HS6ST3: variants seen among roughly 807,000 people sequenced by gnomAD.
HS6ST3 encodes the protein heparan sulfate 6-O-sulfotransferase 3.
In HS6ST3, 12 loss-of-function variants were observed where a neutral mutation model predicts 36.7. The ratio of observed to expected loss-of-function variants is 0.33; its 90% confidence interval spans 0.21 to 0.53. The LOEUF is 0.53. Among genes scored for constraint, HS6ST3 ranks in the 20% least tolerant of loss-of-function variants. HS6ST3 has a pLI of 0.95. For synonymous variants in HS6ST3, 240 were observed against 257.5 expected (o/e 0.93, Z 0.65); for missense variants, 584 against 640.9 (o/e 0.91, Z 0.96).
chr13:96,416,287 A>G (rs1010714584), intron 1 of HS6ST3, among the ~76,000 whole-genome samples: 4 of 152,198 alleles, frequency 2.6e-5, no homozygotes, highest in Non-Finnish European at 5.9e-5. Context: ...GGATGCATGC[A>G]TTAAAATATA....
chr13:96,810,550 G>A (rs1013087414), intron 1 of HS6ST3, among the ~76,000 whole-genome samples: 5 of 152,140 alleles, frequency 3.3e-5, no homozygotes, highest in African/African-American at 1.2e-4. Flanking sequence ...CCTGGAGGTT[G>A]GTACTATTTT....
intron 1 of HS6ST3, among the ~76,000 whole-genome samples, chr13:96,129,291 CAAG>C (rs1245212855): frequency 8.5e-5 from 13 of 152,210 alleles, no homozygotes; most frequent in Non-Finnish European, 1.0e-4. Context: ...CATGGTTCTG[CAAG>C]AAGATCGTTT....
chr13:96,708,801 A>G (rs1330756405), intron 1 of HS6ST3, among the ~76,000 whole-genome samples: 1 of 152,186 alleles, frequency 6.6e-6, no homozygotes, highest in Non-Finnish European at 1.5e-5. Context: ...AATGAAGGAC[A>G]AAGGAATGGA....
intron 1 of HS6ST3, among the ~76,000 whole-genome samples, chr13:96,653,920 T>A (rs2056615827): frequency 6.6e-6 from 1 of 152,238 alleles, no homozygotes; most frequent in Non-Finnish European, 1.5e-5. Flanking sequence ...TGAGATGGTA[T>A]GTCATTGTGG....
At chr13:96,382,974 T>C (rs1190706518) in intron 1 of HS6ST3, among the ~76,000 whole-genome samples, 1 of 152,214 alleles carries the variant, frequency 6.6e-6, no homozygotes, top group Non-Finnish European at 1.5e-5. Flanking sequence ...TTTGTGTGTA[T>C]GTATGTGTAT....
intron 1 of HS6ST3, among the ~76,000 whole-genome samples, chr13:96,768,029 G>T (rs1877164115): frequency 6.6e-6 from 1 of 152,172 alleles, no homozygotes; most frequent in Non-Finnish European, 1.5e-5. Context: ...GAACTGGAAA[G>T]AAAAGCATCC....
intron 1 of HS6ST3, among the ~76,000 whole-genome samples, chr13:96,298,307 T>C (rs191119908): frequency 1.3e-5 from 2 of 152,176 alleles, no homozygotes; most frequent in African/African-American, 4.8e-5. Flanking sequence ...CAGATAAGCA[T>C]GGTTTGGCGT....
chr13:96,569,621 T>C (rs565967200), intron 1 of HS6ST3, among the ~76,000 whole-genome samples: 1 of 151,432 alleles, frequency 6.6e-6, no homozygotes, highest in Non-Finnish European at 1.5e-5. Flanking sequence ...ATTGAAAATC[T>C]TTTTTTTTCA....
At chr13:96,534,754 T>C (rs568086712) in intron 1 of HS6ST3, among the ~76,000 whole-genome samples, 76 of 151,860 alleles carry the variant, frequency 5.0e-4, no homozygotes, top group African/African-American at 1.8e-3. Context: ...AGGTCAGGAG[T>C]TCAAGACCAG....
intron 1 of HS6ST3, among the ~76,000 whole-genome samples, chr13:96,112,580 T>TATACATATATATATACATATATAC (rs1348391365): frequency 3.0e-5 from 1 of 33,760 alleles, no homozygotes; most frequent in African/African-American, 1.1e-4. Context: ...AATAAATAAA[T>TATACATATATATATACATATATAC]ATATATATAT....
At chr13:96,614,989 A>G (rs947260936) in intron 1 of HS6ST3, among the ~76,000 whole-genome samples, 11 of 152,250 alleles carry the variant, frequency 7.2e-5, no homozygotes, top group East Asian at 1.9e-4. Flanking sequence ...AGAGTTTGGC[A>G]TAGATATTTT....
chr13:96,707,428 G>A (rs1210659783), intron 1 of HS6ST3, among the ~76,000 whole-genome samples: 2 of 152,226 alleles, frequency 1.3e-5, no homozygotes, highest in South Asian at 4.1e-4. Context: ...TGTTACAGCA[G>A]CCTAAGCTGA....
At chr13:96,789,484 T>C (rs1877728342) in intron 1 of HS6ST3, among the ~76,000 whole-genome samples, 1 of 151,920 alleles carries the variant, frequency 6.6e-6, no homozygotes, top group South Asian at 2.1e-4. Flanking sequence ...GTCCATCATA[T>C]TAACCAGGTT....
chr13:96,449,425 A>T (rs1004376388), intron 1 of HS6ST3, among the ~76,000 whole-genome samples: 2 of 152,174 alleles, frequency 1.3e-5, no homozygotes, highest in African/African-American at 4.8e-5. Flanking sequence ...CAGTCTGATG[A>T]TTACACTTCT....
At chr13:96,678,584 G>T (rs565624035) in intron 1 of HS6ST3, among the ~76,000 whole-genome samples, 1 of 151,856 alleles carries the variant, frequency 6.6e-6, no homozygotes, top group East Asian at 2.0e-4. Flanking sequence ...CTGAGGCAGA[G>T]AATTGCTTGA....
intron 1 of HS6ST3, among the ~76,000 whole-genome samples, chr13:96,731,055 T>G (rs1056349853): frequency 7.2e-5 from 11 of 152,218 alleles, no homozygotes; most frequent in African/African-American, 2.7e-4. Context: ...TCAGTTAACA[T>G]AAACATTACC....
At chr13:96,388,611 T>C (rs1450825131) in intron 1 of HS6ST3, among the ~76,000 whole-genome samples, 1 of 152,242 alleles carries the variant, frequency 6.6e-6, no homozygotes, top group Non-Finnish European at 1.5e-5. Context: ...TTAAAGTTCC[T>C]GGAATTTCCT....
At chr13:96,477,877 AT>A (rs1220205315) in intron 1 of HS6ST3, among the ~76,000 whole-genome samples, 1 of 150,346 alleles carries the variant, frequency 6.7e-6, no homozygotes, top group East Asian at 1.9e-4. Context: ...CATCTCAAAA[AT>A]AAAAATAAAA....
chr13:96,330,393 C>G (rs1265243501), intron 1 of HS6ST3, among the ~76,000 whole-genome samples: 2 of 147,996 alleles, frequency 1.4e-5, no homozygotes, highest in African/African-American at 2.5e-5. Flanking sequence ...GACAAAATCT[C>G]TCAGCATTTG....
Sources: gnomAD v4.1 joint callset for allele counts (sites outside exome capture counted in the v4.1 genomes callset) on GRCh38, gnomAD v4.1.1 for gene constraint, MANE v1.5 for transcripts, NCBI Gene and HGNC (gene_info 2026-07-23, HGNC 2026-07-21) for gene names.